KLF12: variants seen among roughly 807,000 people sequenced by gnomAD.
KLF12 encodes the protein Krueppel-like factor 12.
In KLF12, 9 loss-of-function variants were observed where a neutral mutation model predicts 37.8. That is an observed-to-expected ratio of 0.24 (90% CI 0.14 to 0.42). The LOEUF (loss-of-function observed/expected upper bound fraction) is 0.42, where lower values mean the gene tolerates loss of function less well. Among genes scored for constraint, KLF12 ranks in the 10% least tolerant of loss-of-function variants. KLF12 has a pLI of 1.00. For synonymous variants in KLF12, 208 were observed against 202.1 expected (o/e 1.03, Z -0.25); for missense variants, 411 against 516.0 (o/e 0.80, Z 1.97).
chr13:73,783,537 CCT>C (rs1881108543), intron 5 of KLF12, among the ~76,000 whole-genome samples: 1 of 151,838 alleles, frequency 6.6e-6, no homozygotes, highest in Non-Finnish European at 1.5e-5. Flanking sequence ...TCCTAAATAC[CCT>C]GATTGGATCA....
At chr13:73,803,524 C>T (rs1253101168) in intron 5 of KLF12, among the ~76,000 whole-genome samples, 1 of 151,948 alleles carries the variant, frequency 6.6e-6, no homozygotes, top group Non-Finnish European at 1.5e-5. Flanking sequence ...TTCACCACCA[C>T]AGCACTTACC....
intron 5 of KLF12, among the ~76,000 whole-genome samples, chr13:73,784,985 G>A (rs1881243836): frequency 6.6e-6 from 1 of 151,954 alleles, no homozygotes; most frequent in South Asian, 2.1e-4. Context: ...TGTCTGCACA[G>A]ACATTCATGA....
intron 3 of KLF12, among the ~76,000 whole-genome samples, chr13:73,910,274 C>G (rs969611563): frequency 6.6e-6 from 1 of 152,116 alleles, no homozygotes; most frequent in Non-Finnish European, 1.5e-5. Context: ...AAAGTCACAT[C>G]TTTGCCCTAT....
chr13:74,053,254 G>A (rs1798804043), intron 1 of KLF12, among the ~76,000 whole-genome samples: 2 of 152,122 alleles, frequency 1.3e-5, no homozygotes, highest in Admixed American at 1.3e-4. Context: ...GTGAAAAACT[G>A]ACTATATCCT....
the KLF12 span, among the ~76,000 whole-genome samples, chr13:74,243,887 A>G: frequency 6.6e-6 from 1 of 152,224 alleles, no homozygotes; most frequent in South Asian, 2.1e-4. Context: ...GAGGCCCGAC[A>G]CTAGCACACA....
chr13:73,927,612 T>G (rs969610676), intron 3 of KLF12, among the ~76,000 whole-genome samples: 1 of 152,184 alleles, frequency 6.6e-6, no homozygotes, highest in Non-Finnish European at 1.5e-5. Context: ...AGTCTTGCTC[T>G]GTTGCCCAGG....
At chr13:73,940,582 G>C (rs761476640) in intron 3 of KLF12, among the ~76,000 whole-genome samples, 8 of 151,954 alleles carry the variant, frequency 5.3e-5, no homozygotes, top group Non-Finnish European at 1.0e-4. Flanking sequence ...CTATGACATA[G>C]AGCAGGTTGA....
At chr13:73,734,605 T>A (rs1877313111) in intron 6 of KLF12, among the ~76,000 whole-genome samples, 1 of 151,136 alleles carries the variant, frequency 6.6e-6, no homozygotes, top group Non-Finnish European at 1.5e-5. Context: ...TAAAATGTCT[T>A]TTCTTCCTTT....
chr13:74,153,261 G>A, the KLF12 span, among the ~76,000 whole-genome samples: 12 of 152,198 alleles, frequency 7.9e-5, no homozygotes, highest in Middle Eastern at 3.4e-3. Context: ...TCAATTTAAG[G>A]TTTCAAATCC....
chr13:74,143,137 A>C, the KLF12 span, among the ~76,000 whole-genome samples: 1 of 141,968 alleles, frequency 7.0e-6, no homozygotes, highest in African/African-American at 2.7e-5. Flanking sequence ...TCCTCGTCCT[A>C]TTCCGTCTTC....
At chr13:74,083,491 G>GAC (rs1491446992) in intron 1 of KLF12, among the ~76,000 whole-genome samples, 1 of 117,554 alleles carries the variant, frequency 8.5e-6, no homozygotes, top group Admixed American at 9.3e-5. Flanking sequence ...TGGGCGATAG[G>GAC]AGACACACAC....
At chr13:73,718,269 G>C (rs767286469) in intron 6 of KLF12, among the ~76,000 whole-genome samples, 3 of 152,130 alleles carry the variant, frequency 2.0e-5, no homozygotes, top group Non-Finnish European at 2.9e-5. Context: ...AGTCAATAAT[G>C]AATGTTTCTT....
At chr13:74,008,620 T>C (rs761204746) in intron 1 of KLF12, among the ~76,000 whole-genome samples, 59 of 152,254 alleles carry the variant, frequency 3.9e-4, no homozygotes, top group Non-Finnish European at 7.6e-4. Context: ...TATGTGCCAA[T>C]TGGCAAGTCA....
intron 3 of KLF12, among the ~76,000 whole-genome samples, chr13:73,937,051 A>G (rs772221909): frequency 5.3e-5 from 8 of 152,116 alleles, no homozygotes; most frequent in Non-Finnish European, 1.0e-4. Flanking sequence ...TTAGCCAGGC[A>G]TGGTGGCATG....
intron 6 of KLF12, among the ~76,000 whole-genome samples, chr13:73,735,572 A>T (rs1024368795): frequency 4.6e-5 from 7 of 152,088 alleles, no homozygotes; most frequent in African/African-American, 1.7e-4. Flanking sequence ...CAGCTGTGGG[A>T]ACCACCTGAG....
At chr13:74,135,714 G>GCCCGC (rs1190691194), upstream of KLF12, among the ~76,000 whole-genome samples, 4 of 152,088 alleles carry the variant, frequency 2.6e-5, no homozygotes, top group South Asian at 2.1e-4. Context: ...CCCCGGCCCG[G>GCCCGC]CCCGCCCCGC....
the KLF12 span, among the ~76,000 whole-genome samples, chr13:74,143,140 C>A: frequency 1.3e-5 from 2 of 151,026 alleles, no homozygotes; most frequent in Non-Finnish European, 3.0e-5. Context: ...TCGTCCTATT[C>A]CGTCTTCTTC....
chr13:74,132,895 G>A (rs1878339671), intron 1 of KLF12, among the ~76,000 whole-genome samples: 1 of 152,210 alleles, frequency 6.6e-6, no homozygotes, highest in African/African-American at 2.4e-5. Flanking sequence ...TCTCCCCGTA[G>A]GGGAGCATCT....
At chr13:74,009,670 T>G (rs1162385622) in intron 1 of KLF12, among the ~76,000 whole-genome samples, 3 of 152,340 alleles carry the variant, frequency 2.0e-5, no homozygotes, top group Admixed American at 2.0e-4. Flanking sequence ...TTTGCTGGCA[T>G]GTATGGTCCT....
Sources: allele counts gnomAD v4.1 joint callset (sites outside exome capture counted in the v4.1 genomes callset), GRCh38; gene constraint gnomAD v4.1.1; transcripts MANE v1.5; gene names NCBI Gene and HGNC (gene_info 2026-07-23, HGNC 2026-07-21).